Variants in SPEG observed in about 807,000 individuals in gnomAD.
SPEG encodes striated muscle enriched protein kinase.
SPEG carries 114 observed loss-of-function variants against 300.4 expected under a neutral mutation model. The ratio of observed to expected loss-of-function variants is 0.38; its 90% confidence interval spans 0.33 to 0.44. SPEG has a LOEUF of 0.44. SPEG is among the 20% of genes least tolerant of loss of function. The pLI is 1.00. For missense variants in SPEG, 4,201 were observed against 4,586.2 expected, an observed-to-expected ratio of 0.92 and a Z score of 2.43; for synonymous variants, 1,964 against 2,018.9, an observed-to-expected ratio of 0.97 and a Z score of 0.73.
intron 18 of SPEG, among the ~76,000 whole-genome samples, chr2:219,475,645 CA>C (rs1692269891): frequency 6.6e-6 from 1 of 152,208 alleles, no homozygotes; most frequent in Non-Finnish European, 1.5e-5. Context: ...CTTCAGGACT[CA>C]CCTTTCTTCC....
Position 219,448,109 on chromosome 2 carries a change from G to A in SPEG, c.951G>A (p.Gly317=), listed in dbSNP as rs1689453930. The change falls in exon 4 of 41, where the codon GGG becomes GGA. Residue 317 remains glycine (G), a synonymous_variant. Transcript: ENST00000312358. The stretch of plus-strand genomic sequence containing the variant: ...TCCCCCCACCGTCCCCTCGGGTCGG[G>A]AAGCGGTCCCCGCCGGGACCCCCGG... The part of the protein sequence containing the change: ...ALLPPPSPRV[G]KRSPPGPPAQ... The A allele has an allele frequency of 1.2e-6, 2 of 1,603,106 alleles. No individual in the cohort carries two copies. Among genetic ancestry groups the A allele is most frequent in the Non-Finnish European group, 1.7e-6 (2 of 1,175,084 alleles).
Position 219,449,242 on chromosome 2 carries a change from G to T in SPEG, c.2084G>T (p.Arg695Leu). 4 of 1,391,790 alleles carry T rather than the reference G, an allele frequency of 2.9e-6. No homozygotes were observed. Among genetic ancestry groups the T allele is most frequent in the Non-Finnish European group, 3.7e-6 (4 of 1,074,134 alleles). 86.2% of individuals were successfully genotyped at this position (1,391,790 alleles called of 1,614,324 possible). ...GGGGCCCGCAGCCAGGGCAAAGGTCGCCGGGCCCGGCCCACCTCCCCTGAG... is the reference window on the plus strand; with the variant it reads ...GGGGCCCGCAGCCAGGGCAAAGGTCTCCGGGCCCGGCCCACCTCCCCTGAG... ...RRGARSQGKG[R>L]RARPTSPELE... is the part of the protein sequence containing the mutation. Residue 695 changes from arginine (R) to leucine (L), a missense_variant, in exon 4 of 41, where the codon CGC becomes CTC. Around this residue, in one of 4 missense-constraint regions of SPEG, gnomAD observed 1,258 missense variants for 1,293.9 expected, o/e 0.97. Transcript: ENST00000312358.
At chr2:219,466,157 T>G in intron 9 of SPEG, 1 of 1,534,252 alleles carries the variant, frequency 6.5e-7, no homozygotes, top group Non-Finnish European at 8.7e-7. Context: ...CACTGCCTCC[T>G]GCCCACAGAC....
chr2:219,451,336 G>C lies in SPEG; in HGVS notation c.2257+57G>C, dbSNP rs1037983733. ...GAGGTTGGGAGGGGGTGTGTGAGAA[G>C]GGAAGGGGAGGTTCCCCCGGACTCC... On this transcript the variant is annotated intron_variant, in intron 5 of 40. Transcript: ENST00000312358. This position sits in a 1 kb window ranked among gnomAD's most constrained non-coding sequence, Gnocchi z 6.4. 5.1e-5 allele frequency: 78 copies of C among 1,542,482 alleles called. No individual in the cohort carries two copies. Among genetic ancestry groups the C allele is most frequent in the Non-Finnish European group, 6.7e-5 (77 of 1,148,130 alleles).
In SPEG at chr2:219,443,022, T is replaced by C; in HGVS notation, c.389-1631T>C. On this transcript the variant is annotated intron_variant, in intron 1 of 40. Transcript: ENST00000312358. This position sits in a 1 kb window ranked among gnomAD's most constrained non-coding sequence, Gnocchi z 4.6. ...CACTGGCCAGGGAATGAGTTTCTGC[T>C]TGATGTTGCAGGTCTGGATGGGAGG... 1 of 1,095,582 alleles carries C rather than the reference T, an allele frequency of 9.1e-7. No homozygotes were observed. The highest frequency in any genetic ancestry group is 1.4e-6 in the Non-Finnish European group (1 of 737,176). 67.9% of individuals were successfully genotyped at this position (1,095,582 alleles called of 1,614,324 possible). A position where few individuals can be genotyped will look rare whatever the true frequency, so the allele number is the denominator to read the frequency against.
intron 8 of SPEG, among the ~76,000 whole-genome samples, chr2:219,463,540 A>C (rs1017254925): frequency 6.7e-6 from 1 of 150,352 alleles, no homozygotes; most frequent in Non-Finnish European, 1.5e-5. Context: ...CAGCCTCCTG[A>C]GTAGCTGGGA....
intron 1 of SPEG, among the ~76,000 whole-genome samples, chr2:219,440,007 G>T (rs1394272924): frequency 6.6e-6 from 1 of 152,150 alleles, no homozygotes. Context: ...GCATGTGTCT[G>T]TACTTGTAAT....
chr2:219,492,066 T>C, intron 39 of SPEG, 45 bp from the exon 40 acceptor site: 1 of 1,580,088 alleles, frequency 6.3e-7, no homozygotes. Context: ...GTCTGGGTGT[T>C]GGCCTCCGGT....
In SPEG at chr2:219,484,036, T is replaced by C; in HGVS notation, c.6573T>C (p.Ser2191=). 1 of 1,613,476 alleles carries C rather than the reference T, an allele frequency of 6.2e-7. No individual in the cohort carries two copies. The highest frequency in any genetic ancestry group is 8.5e-7 in the Non-Finnish European group (1 of 1,179,826). ...CCCCCAAACCCAGTACCCCTAAGTC[T>C]GCAGAACCTTCTGCCACCACACCTA... The part of the protein sequence containing the change: ...PSAPKPSTPK[S]AEPSATTPSD... Residue 2191 remains serine (S), a synonymous_variant, in exon 30 of 41, where the codon TCT becomes TCC. Coordinates refer to ENST00000312358, the MANE Select transcript of SPEG (RefSeq NM_005876.5).
At position 219,445,208 on chromosome 2, in the gene SPEG, C is replaced by A. The variant is rs1304716632; in HGVS notation, c.815+47C>A. On this transcript the variant is annotated intron_variant, in intron 3 of 40. Transcript: ENST00000312358. This position sits in a 1 kb window ranked among gnomAD's most constrained non-coding sequence, Gnocchi z 6.1. ...GCCTGAACTGCCCCATCTCACCACG[C>A]TGTCCTGCGCTGCCCTCACTGCTCA... is the stretch of plus-strand genomic sequence containing the variant. 3 of 1,490,700 alleles carry A rather than the reference C, an allele frequency of 2.0e-6. No homozygotes were observed. In the South Asian group the frequency reaches 3.6e-5, roughly 18 times the overall value. 92.3% of individuals were successfully genotyped at this position (1,490,700 alleles called of 1,614,324 possible).
intron 6 of SPEG, among the ~76,000 whole-genome samples, chr2:219,453,123 C>T (rs1477874799): frequency 6.6e-6 from 1 of 152,246 alleles, no homozygotes; most frequent in African/African-American, 2.4e-5. Flanking sequence ...CCTGAGGGGG[C>T]CCAGGCCTGG....
rs562605464 is a variant in SPEG at position 219,441,224 on chromosome 2, T to G, written c.389-3429T>G. On this transcript the variant is annotated intron_variant, in intron 1 of 40. Coordinates refer to ENST00000312358, the MANE Select transcript of SPEG (RefSeq NM_005876.5). ...CGGGTGGAACACACAAAATATTTGG[T>G]GAGTGTGCTTCCCTGTGATTGAGAA... is the stretch of plus-strand genomic sequence containing the variant. 3.9e-5 allele frequency among the ~76,000 whole-genome samples: 6 copies of G among 152,280 alleles called. No homozygotes were observed. The East Asian group carries it at 1.2e-3, about 29-fold the overall frequency.
Position 219,473,005 on chromosome 2 carries a change from G to A in SPEG, c.4056G>A (p.Gly1352=). ...GGGCAGCCACAGGGCTGCGTAAGGG[G>A]GTCCAGCACATCTTCCGGGTCCTCA... ...PGWAATGLRK[G]VQHIFRVLST... Residue 1352 remains glycine, a synonymous_variant, in exon 16 of 41, where the codon GGG becomes GGA. Coordinates refer to ENST00000312358, the MANE Select transcript of SPEG (RefSeq NM_005876.5). The surrounding 1 kb of genome is among the most constrained non-coding windows in gnomAD (Gnocchi z 4.6). 2 of 1,614,008 alleles carry A rather than the reference G, an allele frequency of 1.2e-6. No individual in the cohort carries two copies. The highest frequency in any genetic ancestry group is 1.7e-6 in the Non-Finnish European group (2 of 1,180,026).
chr2:219,449,764 C>T (rs1012074223), intron 4 of SPEG, among the ~76,000 whole-genome samples: 2 of 152,172 alleles, frequency 1.3e-5, no homozygotes, highest in Non-Finnish European at 2.9e-5. Context: ...CTCTCCCACC[C>T]GGGCACCATC....
chr2:219,472,410 A>T, intron 15 of SPEG, 79 bp downstream of exon 15: 1 of 1,260,480 alleles, frequency 7.9e-7, no homozygotes. Flanking sequence ...CATGGGGGCC[A>T]GGCCCCAGAA....
chr2:219,441,957 G>T (rs1271127460), intron 1 of SPEG: 15 of 296,468 alleles, frequency 5.1e-5, no homozygotes, highest in Non-Finnish European at 7.7e-5. Context: ...GCTCCCGCCC[G>T]CTCCCCAGCT....
rs1237401042 is a variant in SPEG at position 219,458,392 on chromosome 2, GTTTC to G, written c.2441-3486_2441-3483del. On this transcript the variant is annotated intron_variant, in intron 6 of 40. Transcript: ENST00000312358. This position sits in a 1 kb window ranked among gnomAD's most constrained non-coding sequence, Gnocchi z 4.2. The stretch of plus-strand genomic sequence containing the variant: ...CACCTGAGTATGTGTTAGAAATGCA[GTTTC>G]TTTTTTTTTTTTTCCCAATAAGCGT... 1.3e-5 allele frequency among the ~76,000 whole-genome samples: 2 copies of G among 150,888 alleles called. No individual in the cohort carries two copies. Among genetic ancestry groups the G allele is most frequent in the African/African-American group, 2.5e-5 (1 of 40,418 alleles).
chr2:219,453,126 A>C (rs899120732), intron 6 of SPEG, among the ~76,000 whole-genome samples: 5 of 152,196 alleles, frequency 3.3e-5, no homozygotes, highest in African/African-American at 1.2e-4. Flanking sequence ...GAGGGGGCCC[A>C]GGCCTGGCTC....
In SPEG at chr2:219,492,841, C is replaced by T. The variant is rs1365604744; in HGVS notation, c.*55C>T. ...TCAACTGGGGTTCCCACCAATGCCA[C>T]GGGACATTCCAGGGCCCACGCTGAG... On this transcript the variant is annotated 3_prime_UTR_variant, in exon 41 of 41. Coordinates refer to ENST00000312358, the MANE Select transcript of SPEG (RefSeq NM_005876.5). 5.3e-6 allele frequency: 8 copies of T among 1,503,982 alleles called. No homozygotes were observed. The East Asian group carries it at 7.3e-5, about 14-fold the overall frequency. The allele number at this position is 1,503,982 out of a possible 1,614,324, so 93.2% of individuals were successfully genotyped here. A position where few individuals can be genotyped will look rare whatever the true frequency, so the allele number is the denominator to read the frequency against.
Sources: allele counts gnomAD v4.1 joint callset (sites outside exome capture counted in the v4.1 genomes callset), GRCh38; gene constraint gnomAD v4.1.1; regional missense constraint gnomAD v4.1.1; non-coding constraint Gnocchi (gnomAD v3.1); transcripts MANE v1.5; gene names NCBI Gene and HGNC (gene_info 2026-07-23, HGNC 2026-07-21).